TCF12: variants seen among roughly 807,000 people sequenced by gnomAD.
The protein encoded by TCF12 is transcription factor 12.
In TCF12, 45 loss-of-function variants were observed where a neutral mutation model predicts 86.0. The observed-to-expected ratio is 0.52, with a 90% CI of 0.41 to 0.67. The LOEUF (loss-of-function observed/expected upper bound fraction) is 0.67, where lower values mean the gene tolerates loss of function less well. Ranked by LOEUF, TCF12 falls within the 30% of genes least tolerant of loss-of-function variation. The pLI, the probability that TCF12 is intolerant of heterozygous loss-of-function variation, is 0.00. For synonymous variants in TCF12, 330 were observed against 299.6 expected (o/e 1.10, Z -1.05); for missense variants, 881 against 859.9 (o/e 1.02, Z -0.31).
intron 8 of TCF12, among the ~76,000 whole-genome samples, chr15:57,213,890 C>G (rs1374639942): frequency 1.3e-5 from 2 of 152,126 alleles, no homozygotes; most frequent in Non-Finnish European, 2.9e-5. Context: ...GTCTTGAAAG[C>G]TCTTCAGAAG....
rs1268297816 is a variant in TCF12, at chr15:56,921,023, C to T, written c.76-3C>T. The T allele has an allele frequency of 4.4e-6, 7 of 1,589,476 alleles. No individual in the cohort carries two copies. Among genetic ancestry groups the T allele is most frequent in the Non-Finnish European group, 5.1e-6 (6 of 1,168,016 alleles). ...TAACAGATATATTTGGGTTATTTTG[C>T]AGATGTTTTCCCCACCTGTTAATAG... On this transcript the variant is annotated splice_region_variant and splice_polypyrimidine_tract_variant and intron_variant, in intron 2 of 20. Coordinates refer to ENST00000333725, the MANE Select transcript of TCF12 (RefSeq NM_207037.2).
chr15:57,266,143 G>C (rs193230312), intron 18 of TCF12, among the ~76,000 whole-genome samples: 2 of 151,186 alleles, frequency 1.3e-5, no homozygotes, highest in Admixed American at 1.3e-4. Context: ...ACAGGGTCTC[G>C]CTGTCACCCA....
At chr15:57,109,562 ATAGT>A (rs1168003836) in intron 5 of TCF12, among the ~76,000 whole-genome samples, 4 of 152,152 alleles carry the variant, frequency 2.6e-5, no homozygotes, top group African/African-American at 4.8e-5. Flanking sequence ...ATTTGTTCTT[ATAGT>A]TAGTTAACTT....
chr15:56,955,571 TAAAA>T (rs1281886390), intron 3 of TCF12, among the ~76,000 whole-genome samples: 1 of 151,696 alleles, frequency 6.6e-6, no homozygotes, highest in African/African-American at 2.4e-5. Flanking sequence ...TAAATAAAAA[TAAAA>T]AAAAGCATTT....
chr15:56,954,383 C>G (rs1219169041), intron 3 of TCF12, among the ~76,000 whole-genome samples: 1 of 152,094 alleles, frequency 6.6e-6, no homozygotes, highest in African/African-American at 2.4e-5. Flanking sequence ...AAAGGTGAAA[C>G]CGGATCTCTT....
chr15:56,939,713 ATTT>A (rs71960125), intron 3 of TCF12, among the ~76,000 whole-genome samples: 6,140 of 152,214 alleles, frequency 0.04, 369 homozygotes, highest in Admixed American at 0.17. Context: ...CCCAAATTGC[ATTT>A]TCTTTCCTAG....
rs2049014968 is a variant in TCF12, at chr15:57,091,897, T to C, written c.325+6T>C. 1 of 1,610,474 alleles carries C rather than the reference T, an allele frequency of 6.2e-7. No individual in the cohort carries two copies. Among genetic ancestry groups the C allele is most frequent in the Non-Finnish European group, 8.5e-7 (1 of 1,176,978 alleles). On this transcript the variant is annotated splice_donor_region_variant and intron_variant, in intron 5 of 20. Transcript: ENST00000333725. ...CATGAACTCAAATCTGATGGGTAAG[T>C]TGGTAATTCTCTGCAAGTAGTCTTC...
At chr15:56,925,050 C>T (rs889327597) in intron 3 of TCF12, among the ~76,000 whole-genome samples, 1 of 151,978 alleles carries the variant, frequency 6.6e-6, no homozygotes, top group African/African-American at 2.4e-5. Flanking sequence ...AATACAAAAA[C>T]TTGCTGGGTG....
At chr15:56,983,345 C>G (rs180729330) in intron 3 of TCF12, among the ~76,000 whole-genome samples, 19 of 152,162 alleles carry the variant, frequency 1.2e-4, no homozygotes, top group Admixed American at 9.2e-4. Context: ...TTCCTTTCTC[C>G]TTTTGTGAAT....
intron 4 of TCF12, among the ~76,000 whole-genome samples, chr15:57,072,959 G>A (rs1441156470): frequency 2.0e-5 from 3 of 152,218 alleles, no homozygotes; most frequent in African/African-American, 4.8e-5. Flanking sequence ...TTGTGATGAT[G>A]TAAGCACCTT....
At chr15:57,160,438 C>T (rs1175417904) in intron 5 of TCF12, among the ~76,000 whole-genome samples, 5 of 152,172 alleles carry the variant, frequency 3.3e-5, no homozygotes, top group Non-Finnish European at 5.9e-5. Flanking sequence ...GTCCCTCCCA[C>T]GACGTGGGGA....
At chr15:57,053,579 C>T (rs2067783430) in intron 3 of TCF12, among the ~76,000 whole-genome samples, 1 of 151,364 alleles carries the variant, frequency 6.6e-6, no homozygotes, top group African/African-American at 2.4e-5. Context: ...GGATCAGGCA[C>T]CGCAGAACAG....
At chr15:56,965,550 A>G (rs187776664) in intron 3 of TCF12, among the ~76,000 whole-genome samples, 72 of 152,324 alleles carry the variant, frequency 4.7e-4, no homozygotes, top group African/African-American at 1.7e-3. Context: ...TGTTTGGAAA[A>G]GAATCATTAG....
chr15:57,086,209 G>GATAATAATAATAATAATA (rs1404728992), intron 4 of TCF12, among the ~76,000 whole-genome samples: 13 of 39,356 alleles, frequency 3.3e-4, no homozygotes, highest in African/African-American at 8.7e-4. Flanking sequence ...CTTGGATGAT[G>GATAATAATAATAATAATA]ATGATAATAA....
chr15:57,164,643 C>T (rs929440457), intron 5 of TCF12, among the ~76,000 whole-genome samples: 6 of 152,044 alleles, frequency 3.9e-5, no homozygotes, highest in East Asian at 1.9e-4. Flanking sequence ...ACAGCCAAAC[C>T]GTATCAGTGG....
intron 3 of TCF12, among the ~76,000 whole-genome samples, chr15:57,033,058 CAAT>C (rs1423896065): frequency 1.3e-5 from 2 of 151,670 alleles, no homozygotes; most frequent in Non-Finnish European, 2.9e-5. Context: ...CGGATGGACT[CAAT>C]AACAGAATGG....
intron 5 of TCF12, among the ~76,000 whole-genome samples, chr15:57,136,380 G>A (rs1175217515): frequency 1.1e-4 from 17 of 152,166 alleles, no homozygotes; most frequent in Non-Finnish European, 1.3e-4. Context: ...CTTGGGAGAC[G>A]TTTGCTCTTT....
chr15:57,230,713 C>T (rs1469471861), intron 8 of TCF12, among the ~76,000 whole-genome samples: 1 of 151,918 alleles, frequency 6.6e-6, no homozygotes, highest in East Asian at 1.9e-4. Context: ...TAATCAAACT[C>T]ATGTTGATTT....
At chr15:57,194,541 G>A (rs1374153206) in intron 7 of TCF12, among the ~76,000 whole-genome samples, 7 of 152,148 alleles carry the variant, frequency 4.6e-5, no homozygotes, top group Admixed American at 3.9e-4. Context: ...GCGTTTAAAA[G>A]CACTCTTGAG....
Sources: allele counts gnomAD v4.1 joint callset (sites outside exome capture counted in the v4.1 genomes callset), GRCh38; gene constraint gnomAD v4.1.1; transcripts MANE v1.5; gene names NCBI Gene and HGNC (gene_info 2026-07-23, HGNC 2026-07-21).